The following POM121C variants were observed in gnomAD, a reference collection of about 807,000 sequenced individuals.
The protein encoded by POM121C is nuclear envelope pore membrane protein POM 121C.
POM121C carries 20 observed loss-of-function variants against 66.4 expected under a neutral mutation model. The ratio of observed to expected loss-of-function variants is 0.30; its 90% CI spans 0.21 to 0.44. POM121C has a LOEUF of 0.44. Ranked by LOEUF, POM121C falls within the 20% of genes least tolerant of loss-of-function variation. POM121C has a pLI of 1.00. For synonymous variants in POM121C, 286 were observed against 528.0 expected, an observed-to-expected ratio of 0.54 and a Z score of 6.28; for missense variants, 580 against 1,225.7, an observed-to-expected ratio of 0.47 and a Z score of 7.87.
rs781856275 is a variant in POM121C at position 75,441,467 on chromosome 7, G to A, written c.30C>T (p.Ile10=). MVCSPVTVR[I]APPDRRFSRS... ...GTGAAAATCTTCTGTCAGGAGGGGC[G>A]ATCCTCACAGTCACTGGGCTACACA... Residue 10 remains isoleucine, a synonymous_variant, in exon 4 of 15, where the codon ATC becomes ATT. Coordinates refer to ENST00000615331, the MANE Select transcript of POM121C (RefSeq NM_001099415.3). 2 of 1,613,908 alleles carry A rather than the reference G, an allele frequency of 1.2e-6. No individual in the cohort carries two copies. Among genetic ancestry groups the A allele is most frequent in the South Asian group, 2.2e-5 (2 of 91,068 alleles).
intron 7 of POM121C, among the ~76,000 whole-genome samples, chr7:75,437,297 A>G (rs1380029132): frequency 6.6e-6 from 1 of 152,162 alleles, no homozygotes; most frequent in African/African-American, 2.4e-5. Context: ...TTGCTAACCA[A>G]TTACTTTATT....
intron 5 of POM121C, among the ~76,000 whole-genome samples, chr7:75,440,104 C>G (rs1313838821): frequency 1.3e-5 from 2 of 151,708 alleles, no homozygotes; most frequent in African/African-American, 4.8e-5. Context: ...TGGTCTCGAA[C>G]TCCTGACCTC....
chr7:75,416,995 C>A lies in POM121C; in HGVS notation c.*1801G>T. 1 of 1,312,786 alleles carries A rather than the reference C, an allele frequency of 7.6e-7. No homozygotes were observed. The highest frequency in any genetic ancestry group is 9.7e-7 in the Non-Finnish European group (1 of 1,026,936). The allele number at this position is 1,312,786 out of a possible 1,614,324, so 81.3% of individuals were successfully genotyped here. ...CGGACCGGCTGTCCTGCCTGCGGAACTGAGGTAAACAAGCTCAGGTACTGA... is the reference window on the plus strand; with the variant it reads ...CGGACCGGCTGTCCTGCCTGCGGAAATGAGGTAAACAAGCTCAGGTACTGA... On this transcript the variant is annotated 3_prime_UTR_variant, in exon 15 of 15. Coordinates refer to ENST00000615331, the MANE Select transcript of POM121C (RefSeq NM_001099415.3).
intron 3 of POM121C, among the ~76,000 whole-genome samples, chr7:75,453,283 A>G (rs1395928054): frequency 6.6e-6 from 1 of 151,644 alleles, no homozygotes; most frequent in African/African-American, 2.4e-5. Context: ...GTTAAAAAAA[A>G]AAAAAAAAAA....
chr7:75,417,809 C>CAA lies in POM121C; in HGVS notation c.*986_*987insTT. On this transcript the variant is annotated 3_prime_UTR_variant, in exon 15 of 15. Transcript: ENST00000615331. ...CACTTGTAGCCGTCAAGTGGTGCTA[C>CAA]TTTCCACATTCAATTAGCGAGGCCC... The CAA allele has an allele frequency of 1.0e-6, 1 of 971,690 alleles. No individual in the cohort carries two copies. 60.2% of individuals were successfully genotyped at this position (971,690 alleles called of 1,614,324 possible). A position where few individuals can be genotyped will look rare whatever the true frequency, so the allele number is the denominator to read the frequency against.
intron 3 of POM121C, among the ~76,000 whole-genome samples, chr7:75,448,691 C>G (rs1790917922): frequency 7.1e-6 from 1 of 141,240 alleles, no homozygotes. Flanking sequence ...ATCCCAGCTA[C>G]TCGGGAGGGT....
intron 3 of POM121C, among the ~76,000 whole-genome samples, chr7:75,459,954 A>C (rs1330474176): frequency 1.5e-4 from 21 of 142,472 alleles, no homozygotes; most frequent in African/African-American, 5.5e-4. Flanking sequence ...CTCTACAGCC[A>C]CCTATAAAAT....
intron 3 of POM121C, among the ~76,000 whole-genome samples, chr7:75,472,171 C>G (rs1554478760): frequency 6.6e-6 from 1 of 151,726 alleles, no homozygotes; most frequent in African/African-American, 2.4e-5. Context: ...CAGGCATGAG[C>G]CACCGTGCCT....
intron 3 of POM121C, among the ~76,000 whole-genome samples, chr7:75,472,108 G>A (rs185114610): frequency 0.072 from 10,896 of 151,662 alleles, 496 homozygotes; most frequent in Non-Finnish European, 0.1. Flanking sequence ...GGATGGTCTC[G>A]ATCTCCTGAC....
At chr7:75,485,738 A>G (rs1420162565) in intron 1 of POM121C, 126 bp downstream of exon 1, 46 of 386,668 alleles carry the variant, frequency 1.2e-4, no homozygotes, top group South Asian at 5.8e-4. Flanking sequence ...CCCTGCCCTC[A>G]AACCCAACAC....
intron 3 of POM121C, among the ~76,000 whole-genome samples, chr7:75,455,065 T>A (rs1791157352): frequency 6.6e-6 from 1 of 152,148 alleles, no homozygotes; most frequent in South Asian, 2.1e-4. Context: ...CAGACTAAAT[T>A]ATAGATAAGA....
chr7:75,449,700 G>C (rs1790957146), intron 3 of POM121C, among the ~76,000 whole-genome samples: 1 of 152,004 alleles, frequency 6.6e-6, no homozygotes, highest in Non-Finnish European at 1.5e-5. Context: ...CCATTCTCTG[G>C]TGTCCTTAAA....
At chr7:75,438,212 A>G (rs2116397722) in intron 6 of POM121C, among the ~76,000 whole-genome samples, 1 of 152,330 alleles carries the variant, frequency 6.6e-6, no homozygotes, top group South Asian at 2.1e-4. Flanking sequence ...CAGTCATCCA[A>G]CCTGTTACAA....
chr7:75,434,545 G>A (rs1260297614), intron 7 of POM121C, among the ~76,000 whole-genome samples: 4 of 149,410 alleles, frequency 2.7e-5, no homozygotes, highest in African/African-American at 9.9e-5. Context: ...CCAAAGTGCT[G>A]GGATTACAAG....
intron 3 of POM121C, among the ~76,000 whole-genome samples, chr7:75,450,383 C>T (rs1790981554): frequency 6.6e-6 from 1 of 152,190 alleles, no homozygotes; most frequent in Non-Finnish European, 1.5e-5. Context: ...GGGAGAATTC[C>T]TCTAGGAAAG....
chr7:75,437,295 C>T (rs1321961990), intron 7 of POM121C, among the ~76,000 whole-genome samples: 1 of 152,104 alleles, frequency 6.6e-6, no homozygotes, highest in Non-Finnish European at 1.5e-5. Flanking sequence ...TTTTGCTAAC[C>T]AATTACTTTA....
intron 3 of POM121C, among the ~76,000 whole-genome samples, chr7:75,465,690 T>A (rs1791611596): frequency 6.8e-6 from 1 of 147,916 alleles, no homozygotes; most frequent in Non-Finnish European, 1.5e-5. Context: ...GAGGTGGAGG[T>A]TGCAGTGAGC....
chr7:75,483,926 C>T (rs1471393406), intron 1 of POM121C, among the ~76,000 whole-genome samples: 1 of 151,994 alleles, frequency 6.6e-6, no homozygotes. Flanking sequence ...CATAGTGAAA[C>T]CCCATCTCTT....
intron 3 of POM121C, among the ~76,000 whole-genome samples, chr7:75,456,714 C>T (rs372632995): frequency 2.6e-4 from 40 of 152,382 alleles, no homozygotes; most frequent in Non-Finnish European, 3.7e-4. Context: ...AATGTATTGC[C>T]GCTAAAATGA....
Sources: allele counts gnomAD v4.1 joint callset (sites outside exome capture counted in the v4.1 genomes callset), GRCh38; gene constraint gnomAD v4.1.1; transcripts MANE v1.5; gene names NCBI Gene and HGNC (gene_info 2026-07-23, HGNC 2026-07-21).